TENM3: variants seen among roughly 807,000 people sequenced by gnomAD.
TENM3 encodes the protein teneurin transmembrane protein 3.
Under a neutral mutation model 255.1 loss-of-function variants are expected in TENM3, and 63 were observed. The observed-to-expected ratio is 0.25, with a 90% CI of 0.20 to 0.30. The LOEUF (loss-of-function observed/expected upper bound fraction) is 0.30. Among genes scored for constraint, TENM3 ranks in the 10% least tolerant of loss-of-function variants. TENM3 has a pLI of 1.00. For missense variants in TENM3, 2,929 were observed against 3,461.1 expected (o/e 0.85, Z 3.86); for synonymous variants, 1,306 against 1,322.3 (o/e 0.99, Z 0.27).
the TENM3 span, among the ~76,000 whole-genome samples, chr4:181,530,811 A>G: frequency 4.6e-5 from 7 of 152,188 alleles, no homozygotes; most frequent in Admixed American, 2.6e-4. Flanking sequence ...GTGTGCGTGC[A>G]TGTGCATGTA....
At chr4:181,721,835 G>C in the TENM3 span, among the ~76,000 whole-genome samples, 1 of 151,798 alleles carries the variant, frequency 6.6e-6, no homozygotes, top group East Asian at 2.0e-4. Context: ...CTTAGACTAT[G>C]GGGTAGATGG....
chr4:181,778,833 G>A, the TENM3 span, among the ~76,000 whole-genome samples: 58 of 152,152 alleles, frequency 3.8e-4, no homozygotes, highest in East Asian at 3.9e-3. Flanking sequence ...CTGGAATTTC[G>A]CCCTCAGGTT....
the TENM3 span, chr4:181,522,538 A>G: frequency 3.0e-6 from 1 of 332,890 alleles, no homozygotes; most frequent in East Asian, 6.4e-5. Flanking sequence ...TAAGGATTTG[A>G]TATTTCTTGT....
chr4:182,000,074 C>T, the TENM3 span, among the ~76,000 whole-genome samples: 1 of 152,120 alleles, frequency 6.6e-6, no homozygotes, highest in Admixed American at 6.6e-5. Flanking sequence ...ATTTAGTCTA[C>T]ATTCTAGCGC....
At chr4:182,501,833 TA>T (rs1401275466) in intron 3 of TENM3, among the ~76,000 whole-genome samples, 3 of 152,202 alleles carry the variant, frequency 2.0e-5, no homozygotes, top group African/African-American at 7.2e-5. Flanking sequence ...CCATAGATTG[TA>T]CTCAAATTGT....
chr4:182,787,340 A>C (rs1168884300), intron 24 of TENM3, among the ~76,000 whole-genome samples: 1 of 151,880 alleles, frequency 6.6e-6, no homozygotes, highest in Non-Finnish European at 1.5e-5. Context: ...CAGGCTTCGG[A>C]CTCTTGGGTT....
At chr4:182,222,818 G>A (rs545768434) in intron 1 of TENM3, among the ~76,000 whole-genome samples, 23 of 152,274 alleles carry the variant, frequency 1.5e-4, no homozygotes, top group Admixed American at 9.2e-4. Context: ...CTGCTCTGGA[G>A]AAAGTTCCTG....
At chr4:182,144,972 G>A (rs1712853013) in intron 1 of TENM3, 1 of 151,968 alleles carries the variant, frequency 6.6e-6, no homozygotes, top group Non-Finnish European at 1.5e-5. Flanking sequence ...GCCGGCTCAG[G>A]TGGGAACTTC....
At chr4:181,687,537 T>C in the TENM3 span, among the ~76,000 whole-genome samples, 1 of 152,206 alleles carries the variant, frequency 6.6e-6, no homozygotes, top group Non-Finnish European at 1.5e-5. Context: ...TGTTTGTTCA[T>C]GTCTTTAAAA....
chr4:181,873,242 A>AT, the TENM3 span, among the ~76,000 whole-genome samples: 2 of 151,710 alleles, frequency 1.3e-5, no homozygotes, highest in East Asian at 3.9e-4. Context: ...TAATTTTTGC[A>AT]TTTTTTAGTA....
chr4:182,256,027 G>T lies in TENM3; in HGVS notation c.-76+12551G>T, dbSNP rs149399972. Among the ~76,000 whole-genome samples the T allele has an allele frequency of 1.5e-4, 23 of 152,220 alleles. No homozygotes were observed. In the East Asian group the frequency reaches 2.9e-3, roughly 19 times the overall value. On this transcript the variant is annotated intron_variant, in intron 1 of 27. Transcript: ENST00000511685. ...CTGTTTCTGCAATCCCATTAAGGGC[G>T]TATTGCACACTCTGGGACTCTGCCA...
At chr4:182,144,622 G>A (rs868735098), upstream of TENM3, 1 of 142,454 alleles carries the variant, frequency 7.0e-6, no homozygotes, top group Non-Finnish European at 1.5e-5. Context: ...CCCGCTCCCC[G>A]CTCCCTCGGC....
chr4:182,598,354 C>T (rs1007425261), intron 3 of TENM3, among the ~76,000 whole-genome samples: 8 of 152,268 alleles, frequency 5.3e-5, no homozygotes, highest in Non-Finnish European at 1.0e-4. Context: ...TTCCAGTAAA[C>T]AGCACACTGC....
the TENM3 span, among the ~76,000 whole-genome samples, chr4:181,538,836 T>A: frequency 6.6e-6 from 1 of 152,220 alleles, no homozygotes; most frequent in Non-Finnish European, 1.5e-5. Flanking sequence ...CTTGAATAAT[T>A]ACTTCTTTCT....
the TENM3 span, among the ~76,000 whole-genome samples, chr4:181,921,323 G>A: frequency 6.6e-6 from 1 of 152,154 alleles, no homozygotes; most frequent in Non-Finnish European, 1.5e-5. Flanking sequence ...ATTCCCTTGG[G>A]CAGTATGGCC....
intron 22 of TENM3, among the ~76,000 whole-genome samples, chr4:182,768,513 A>G (rs17074044): frequency 0.19 from 29,344 of 152,022 alleles, 3,062 homozygotes; most frequent in East Asian, 0.27. Context: ...AGAGGCAGAT[A>G]GACCCATTTT....
At chr4:182,445,928 A>G (rs965664555) in intron 3 of TENM3, among the ~76,000 whole-genome samples, 8 of 152,216 alleles carry the variant, frequency 5.3e-5, no homozygotes, top group Non-Finnish European at 1.2e-4. Context: ...GATATGGCAA[A>G]CTATAGTAGA....
intron 6 of TENM3, 56 bp from the exon 7 acceptor site, chr4:182,672,949 T>A: frequency 1.5e-6 from 2 of 1,293,224 alleles, no homozygotes; most frequent in Non-Finnish European, 2.1e-6. Flanking sequence ...AAAACCTTTT[T>A]TGTTTTGTTT....
chr4:182,380,799 A>G (rs1399727620), intron 3 of TENM3, among the ~76,000 whole-genome samples: 1 of 152,214 alleles, frequency 6.6e-6, no homozygotes, highest in African/African-American at 2.4e-5. Flanking sequence ...GGGTGTGATT[A>G]GTTTACCAGT....
Sources: allele counts gnomAD v4.1 joint callset (sites outside exome capture counted in the v4.1 genomes callset), GRCh38; gene constraint gnomAD v4.1.1; transcripts MANE v1.5; gene names NCBI Gene and HGNC (gene_info 2026-07-23, HGNC 2026-07-21).